Variants in BPNT1 observed in about 807,000 individuals in gnomAD.
BPNT1 encodes 3'(2'),5'-bisphosphate nucleotidase 1.
Under a neutral mutation model 36.9 loss-of-function variants are expected in BPNT1, and 28 were observed. The ratio of observed to expected loss-of-function variants is 0.76; its 90% CI spans 0.56 to 1.04. The LOEUF (loss-of-function observed/expected upper bound fraction) is 1.04. BPNT1 is among the 50% of genes least tolerant of loss of function. The probability of loss-of-function intolerance (pLI) is 0.00; values close to 1 mark genes in which losing one functional copy is unlikely to be tolerated. For synonymous variants in BPNT1, 119 were observed against 130.9 expected (o/e 0.91, Z 0.62); for missense variants, 313 against 372.9 (o/e 0.84, Z 1.32).
chr1:220,062,022 C>T (rs370003920), intron 7 of BPNT1, among the ~76,000 whole-genome samples: 1 of 149,234 alleles, frequency 6.7e-6, no homozygotes, highest in African/African-American at 2.5e-5. Context: ...CTTTCATTAA[C>T]ATTGAACTCT....
Position 220,065,190 on chromosome 1 carries a change from G to A in BPNT1, c.474+2112C>T, listed in dbSNP as rs555495804. Among the ~76,000 whole-genome samples the A allele has an allele frequency of 3.8e-4, 58 of 152,234 alleles. No homozygotes were observed. In the South Asian group the frequency reaches 0.011, roughly 29 times the overall value. Reference sequence around the variant, plus strand: ...AAAACAGTGGACACGAATATTTTGGGCCCTACAAGGTCATATTGCCTCTGT... The same window carrying A: ...AAAACAGTGGACACGAATATTTTGGACCCTACAAGGTCATATTGCCTCTGT... On this transcript the variant is annotated intron_variant, in intron 6 of 8. Coordinates refer to ENST00000322067, the MANE Select transcript of BPNT1 (RefSeq NM_006085.6).
intron 7 of BPNT1, among the ~76,000 whole-genome samples, chr1:220,061,661 G>A (rs974086126): frequency 1.3e-5 from 2 of 152,048 alleles, no homozygotes; most frequent in African/African-American, 4.8e-5. Flanking sequence ...AAAAATGGTG[G>A]TGCCATTAGT....
chr1:220,077,707 C>G (rs1454245322), intron 2 of BPNT1, among the ~76,000 whole-genome samples: 3 of 152,042 alleles, frequency 2.0e-5, no homozygotes, highest in Non-Finnish European at 4.4e-5. Flanking sequence ...ACTCATATAT[C>G]TCATTTTTTC....
chr1:220,059,233 ATTTTC>A (rs1429392849), intron 8 of BPNT1, among the ~76,000 whole-genome samples: 1 of 124,774 alleles, frequency 8.0e-6, no homozygotes. Context: ...TTTATTTAGC[ATTTTC>A]TTTTCTTTTT....
intron 1 of BPNT1, among the ~76,000 whole-genome samples, chr1:220,089,149 G>C (rs1184632984): frequency 3.5e-5 from 5 of 143,568 alleles, no homozygotes; most frequent in Admixed American, 7.0e-5. Context: ...GGAGGAGGAA[G>C]AAGAAGAAGA....
intron 4 of BPNT1, among the ~76,000 whole-genome samples, chr1:220,072,363 G>GA (rs985519845): frequency 1.8e-3 from 243 of 138,384 alleles, no homozygotes; most frequent in African/African-American, 4.3e-3. Context: ...CTCCGTCTCA[G>GA]AAAAAAAAAA....
chr1:220,081,047 C>A (rs915488952), intron 1 of BPNT1, among the ~76,000 whole-genome samples: 9 of 152,206 alleles, frequency 5.9e-5, no homozygotes, highest in African/African-American at 2.2e-4. Flanking sequence ...TCACTGCAAC[C>A]TCTGCCTCAG....
intron 4 of BPNT1, among the ~76,000 whole-genome samples, chr1:220,070,857 G>A (rs550339780): frequency 7.3e-5 from 11 of 151,618 alleles, no homozygotes; most frequent in Middle Eastern, 6.8e-3. Flanking sequence ...TAGGTTTCAC[G>A]CTGGTCATGG....
chr1:220,063,338 A>C (rs986568288), intron 6 of BPNT1, among the ~76,000 whole-genome samples: 1 of 152,132 alleles, frequency 6.6e-6, no homozygotes, highest in Non-Finnish European at 1.5e-5. Flanking sequence ...ACAGGGCAAG[A>C]CTCCGTCTCA....
intron 1 of BPNT1, among the ~76,000 whole-genome samples, chr1:220,086,548 A>G (rs758123018): frequency 6.6e-6 from 1 of 151,582 alleles, no homozygotes; most frequent in Non-Finnish European, 1.5e-5. Flanking sequence ...TGCTGGGATT[A>G]CAGGCATGAG....
At chr1:220,074,363 G>C (rs1314683593) in intron 2 of BPNT1, among the ~76,000 whole-genome samples, 2 of 152,196 alleles carry the variant, frequency 1.3e-5, no homozygotes, top group African/African-American at 4.8e-5. Context: ...GATAGGAAAT[G>C]TATAACTTTT....
At chr1:220,068,568 TGGGA>T (rs1663754506) in intron 5 of BPNT1, among the ~76,000 whole-genome samples, 1 of 151,590 alleles carries the variant, frequency 6.6e-6, no homozygotes, top group Admixed American at 6.6e-5. Flanking sequence ...CCCAGCACTT[TGGGA>T]GGCCCAGGTG....
intron 4 of BPNT1, 49 bp downstream of exon 4, chr1:220,072,801 G>T: frequency 2.1e-6 from 3 of 1,459,000 alleles, no homozygotes; most frequent in South Asian, 2.3e-5. Context: ...CCTTTACTAT[G>T]GCAAAAAGCC....
At chr1:220,084,320 G>C (rs571503073) in intron 1 of BPNT1, among the ~76,000 whole-genome samples, 1 of 151,244 alleles carries the variant, frequency 6.6e-6, no homozygotes, top group African/African-American at 2.4e-5. Flanking sequence ...GCAACATAGC[G>C]AGGCTCTGTC....
At position 220,079,780 on chromosome 1, in the gene BPNT1, CT is replaced by C; in HGVS notation, c.66del (p.Gly23GlufsTer2). 6.2e-7 allele frequency: 1 copy of C among 1,614,134 alleles called. No individual in the cohort carries two copies. The highest frequency in any genetic ancestry group is 8.5e-7 in the Non-Finnish European group (1 of 1,180,026). ...VASAYSIAQK[A>X]GMIVRRVIAE... ...GCAATAACACGTCTGACTATCATTCCTGCCTTTTGAGCAATAGAATATGCGG... is the reference window on the plus strand; with the variant it reads ...GCAATAACACGTCTGACTATCATTCCGCCTTTTGAGCAATAGAATATGCGG... On this transcript the variant is annotated frameshift_variant, in exon 2 of 9. Transcript: ENST00000322067. LOFTEE classifies it high-confidence loss of function.
At chr1:220,078,198 A>G in intron 2 of BPNT1, among the ~76,000 whole-genome samples, 1 of 149,016 alleles carries the variant, frequency 6.7e-6, no homozygotes. Flanking sequence ...AAAAAAAAAA[A>G]AAAAAAAAGA....
In BPNT1 at chr1:220,079,792, C is replaced by A. The variant is rs767223394; in HGVS notation, c.55G>T (p.Ala19Ser). Residue 19 changes from alanine to serine, a missense_variant, in exon 2 of 9, where the codon GCT becomes TCT. Transcript: ENST00000322067. ...CTGACTATCATTCCTGCCTTTTGAG[C>A]AATAGAATATGCGGAGGCTACCAAC... ...MRLVASAYSI[A>S]QKAGMIVRRV... 25 of 1,614,102 alleles carry A rather than the reference C, an allele frequency of 1.5e-5. No individual in the cohort carries two copies. Among genetic ancestry groups the A allele is most frequent in the Non-Finnish European group, 2.0e-5 (24 of 1,179,998 alleles).
rs142362953 is a variant in BPNT1, at chr1:220,081,436, G to A, written c.-8-1582C>T. Among the ~76,000 whole-genome samples the A allele has an allele frequency of 1.2e-3, 184 of 152,130 alleles. 4 individuals are homozygous for A. In the East Asian group the frequency reaches 0.034, roughly 28 times the overall value. ...TGCACACCTGTAATCCCAGCTACTC[G>A]GGAGGCTAAGGCAGGAGAATCGCTT... On this transcript the variant is annotated intron_variant, in intron 1 of 8. Coordinates refer to ENST00000322067, the MANE Select transcript of BPNT1 (RefSeq NM_006085.6).
intron 6 of BPNT1, among the ~76,000 whole-genome samples, chr1:220,064,745 C>T (rs1663378235): frequency 6.6e-6 from 1 of 152,148 alleles, no homozygotes; most frequent in South Asian, 2.1e-4. Context: ...TAATGTGCTT[C>T]CTCTGTTCCC....
Sources: gnomAD v4.1 joint callset for allele counts (sites outside exome capture counted in the v4.1 genomes callset) on GRCh38, gnomAD v4.1.1 for gene constraint, MANE v1.5 for transcripts, NCBI Gene and HGNC (gene_info 2026-07-23, HGNC 2026-07-21) for gene names.